Variants in ARMCX4 observed in about 807,000 individuals in gnomAD.
The protein encoded by ARMCX4 is armadillo repeat-containing X-linked protein 4.
ARMCX4 carries 3 observed loss-of-function variants against 34.7 expected under a neutral mutation model. The ratio of observed to expected loss-of-function variants is 0.09; its 90% CI spans 0.04 to 0.22. The LOEUF (loss-of-function observed/expected upper bound fraction) is 0.22, where lower values mean the gene tolerates loss of function less well. Among genes scored for constraint, ARMCX4 ranks in the 10% least tolerant of loss-of-function variants. The pLI, the probability that ARMCX4 is intolerant of heterozygous loss-of-function variation, is 1.00. For synonymous variants in ARMCX4, 513 were observed against 632.8 expected (o/e 0.81, Z 2.84); for missense variants, 1,448 against 1,720.8 (o/e 0.84, Z 2.81).
At chrX:101,527,280 C>A (rs1464761464) in intron 11 of ARMCX4, among the ~76,000 whole-genome samples, 2 of 111,439 alleles carry the variant, frequency 1.8e-5, no homozygotes, top group Non-Finnish European at 3.8e-5. Context: ...TTCTTTGAAA[C>A]CAATGAGAAC....
At chrX:101,529,472 A>T (rs1461941122) in intron 11 of ARMCX4, among the ~76,000 whole-genome samples, 1 of 112,075 alleles carries the variant, frequency 8.9e-6, no homozygotes, top group East Asian at 2.8e-4. Flanking sequence ...CAAAAGCCAA[A>T]ATTGACAAAT....
chrX:101,471,815 A>G (rs1174120986), intron 4 of ARMCX4, among the ~76,000 whole-genome samples: 1 of 111,356 alleles, frequency 9.0e-6, no homozygotes, highest in Non-Finnish European at 1.9e-5. Flanking sequence ...GTACATCACC[A>G]TCATCAAAGA....
intron 2 of ARMCX4, among the ~76,000 whole-genome samples, chrX:101,432,448 G>C (rs782138335): frequency 1.4e-4 from 15 of 110,987 alleles, no homozygotes; most frequent in Non-Finnish European, 2.5e-4. Context: ...GGATCACGAA[G>C]TCAGGAGTTC....
At chrX:101,452,867 T>TTTATTATTA (rs10634734), downstream of ARMCX4, among the ~76,000 whole-genome samples, 34,887 of 101,813 alleles carry the variant, frequency 0.34, 4,902 homozygotes, top group Non-Finnish European at 0.4. Context: ...GGCTGTTTGT[T>TTTATTATTA]TTATTATTAT....
intron 11 of ARMCX4, among the ~76,000 whole-genome samples, chrX:101,517,266 G>A (rs1472031293): frequency 1.8e-5 from 2 of 112,105 alleles, no homozygotes; most frequent in Non-Finnish European, 3.8e-5. Flanking sequence ...GGAAAATATG[G>A]GCTAAATAAA....
chrX:101,492,569 G>A lies in ARMCX4; in HGVS notation c.3980G>A (p.Gly1327Glu). 2 of 1,131,028 alleles carry A rather than the reference G, an allele frequency of 1.8e-6. No individual in the cohort carries two copies. Among genetic ancestry groups the A allele is most frequent in the Non-Finnish European group, 1.2e-6 (1 of 860,142 alleles). 93.2% of individuals were successfully genotyped at this position (1,131,028 alleles called of 1,213,427 possible). The change falls in exon 6 of 6, where the codon GGG (glycine) becomes GAG (glutamate). Residue 1327 changes from glycine to glutamate, a missense_variant. Gly to Glu is a moderately conservative substitution (Grantham distance 98). Coordinates refer to ENST00000423738, the MANE Select transcript of ARMCX4 (RefSeq NM_001256155.3). ...PRFEDQASGE[G>E]SWAGAGGQAS... is the part of the protein sequence containing the mutation. ...TTTGAGGATCAAGCCAGTGGAGAAG[G>A]GTCCTGGGCTGGGGCTGGTGGCCAG...
intron 2 of ARMCX4, among the ~76,000 whole-genome samples, chrX:101,432,793 T>TATATGTATACATATGTGTATATACAC (rs1555992523): frequency 3.5e-5 from 1 of 28,952 alleles, no homozygotes; most frequent in Non-Finnish European, 1.2e-4. Context: ...TATATACACA[T>TATATGTATACATATGTGTATATACAC]ATACACATGT....
intron 2 of ARMCX4, among the ~76,000 whole-genome samples, chrX:101,438,565 C>T (rs1298800266): frequency 1.8e-5 from 2 of 110,046 alleles, no homozygotes; most frequent in Non-Finnish European, 3.8e-5. Flanking sequence ...ATTCTGTTCC[C>T]CCCCCAAAAA....
chrX:101,422,242 C>A (rs1555990237), intron 2 of ARMCX4, among the ~76,000 whole-genome samples: 1 of 110,403 alleles, frequency 9.1e-6, no homozygotes. Flanking sequence ...GTCTCGAACT[C>A]CTGACTTCAG....
At chrX:101,453,611 C>A (rs993446498) in intron 4 of ARMCX4, among the ~76,000 whole-genome samples, 2 of 111,247 alleles carry the variant, frequency 1.8e-5, no homozygotes, top group Admixed American at 1.9e-4. Context: ...AATTTGTAGA[C>A]ACGGACAAGG....
chrX:101,476,870 G>A (rs1556004425), intron 4 of ARMCX4, among the ~76,000 whole-genome samples: 2 of 110,401 alleles, frequency 1.8e-5, no homozygotes, highest in Non-Finnish European at 3.8e-5. Context: ...AAGAAAGCAA[G>A]AAGAAAAAAA....
At chrX:101,519,458 T>G (rs1365430200) in intron 11 of ARMCX4, among the ~76,000 whole-genome samples, 2 of 111,750 alleles carry the variant, frequency 1.8e-5, no homozygotes, top group African/African-American at 6.5e-5. Flanking sequence ...TTAGCATGTC[T>G]TTCAGTTTCA....
At chrX:101,508,950 A>T (rs1934518677) in intron 8 of ARMCX4, among the ~76,000 whole-genome samples, 1 of 111,187 alleles carries the variant, frequency 9.0e-6, no homozygotes, top group African/African-American at 3.3e-5. Context: ...TATGTTGACT[A>T]TGTACTTGTT....
In ARMCX4 at chrX:101,490,582, A is replaced by G. The variant is rs1933931820; in HGVS notation, c.1993A>G (p.Met665Val). Residue 665 changes from methionine (M) to valine (V), a missense_variant, in exon 6 of 6, where the codon ATG becomes GTG. Transcript: ENST00000423738. Reference sequence around the variant, plus strand: ...TAAGGCAGAAGTTGGGGAAGGTGCAATGGGCACTGCCCAGCTTCAGATTAT... The same window carrying G: ...TAAGGCAGAAGTTGGGGAAGGTGCAGTGGGCACTGCCCAGCTTCAGATTAT... Reference protein sequence around the residue: ...VLKAEVGEGAMGTAQLQIMAS... With the variant: ...VLKAEVGEGAVGTAQLQIMAS... 7 of 1,155,073 alleles carry G rather than the reference A, an allele frequency of 6.1e-6. No individual in the cohort carries two copies. The highest frequency in any genetic ancestry group is 1.9e-5 in the South Asian group (1 of 52,646).
At chrX:101,429,950 G>A (rs1476595024) in intron 2 of ARMCX4, among the ~76,000 whole-genome samples, 2 of 111,333 alleles carry the variant, frequency 1.8e-5, no homozygotes, top group African/African-American at 3.3e-5. Flanking sequence ...TGGGTGGTTG[G>A]TTTGAGACAG....
chrX:101,454,980 T>C (rs1284970825), intron 4 of ARMCX4, among the ~76,000 whole-genome samples: 2 of 111,494 alleles, frequency 1.8e-5, no homozygotes, highest in African/African-American at 6.5e-5. Context: ...TCCATGCTTA[T>C]TACCTAATTA....
intron 4 of ARMCX4, among the ~76,000 whole-genome samples, chrX:101,477,430 CAAAAAAAAAAAAAAAAAAA>C (rs1156582627): frequency 8.0e-5 from 1 of 12,496 alleles, no homozygotes; most frequent in Admixed American, 2.1e-3. Context: ...GACTCTGTCT[CAAAAAAAAAAAAAAAAAAA>C]AAAAAAAAAA....
chrX:101,501,600 G>A (rs1444492104), intron 7 of ARMCX4, among the ~76,000 whole-genome samples: 2 of 112,397 alleles, frequency 1.8e-5, no homozygotes, highest in African/African-American at 6.5e-5. Context: ...AGCAGAGGGA[G>A]CAGTAGCAGC....
In ARMCX4 at chrX:101,491,562, A is replaced by G. The variant is rs1556009183; in HGVS notation, c.2973A>G (p.Gln991=). Residue 991 remains glutamine (Q), a synonymous_variant, in exon 6 of 6, where the codon CAA becomes CAG. Coordinates refer to ENST00000423738, the MANE Select transcript of ARMCX4 (RefSeq NM_001256155.3). The stretch of plus-strand genomic sequence containing the variant: ...ATACAGTGGGCTCTGCCCAGCCCCA[A>G]GCTGTCGCTAATTCCCAGAGTGAGA... ...GADTVGSAQP[Q]AVANSQSETL... is the part of the protein sequence containing the mutation. 8.7e-7 allele frequency: 1 copy of G among 1,151,217 alleles called. No individual in the cohort carries two copies. Among genetic ancestry groups the G allele is most frequent in the Admixed American group, 2.6e-5 (1 of 38,467 alleles). The allele number at this position is 1,151,217 out of a possible 1,213,427, so 94.9% of individuals were successfully genotyped here.
Sources: allele counts gnomAD v4.1 joint callset (sites outside exome capture counted in the v4.1 genomes callset), GRCh38; gene constraint gnomAD v4.1.1; transcripts MANE v1.5; gene names NCBI Gene and HGNC (gene_info 2026-07-23, HGNC 2026-07-21).